The following LTBP1 variants were observed in gnomAD, a reference collection of about 807,000 sequenced individuals.
The protein encoded by LTBP1 is latent transforming growth factor beta binding protein 1.
LTBP1 carries 129 observed loss-of-function variants against 207.6 expected under a neutral mutation model. The ratio of observed to expected loss-of-function variants is 0.62; its 90% CI spans 0.54 to 0.72. LTBP1 has a LOEUF of 0.72. Ranked by LOEUF, LTBP1 falls within the 30% of genes least tolerant of loss-of-function variation. LTBP1 has a pLI of 0.00. For synonymous variants in LTBP1, 963 were observed against 833.7 expected, an observed-to-expected ratio of 1.16 and a Z score of -2.67; for missense variants, 2,281 against 2,217.2, an observed-to-expected ratio of 1.03 and a Z score of -0.58.
At chr2:33,376,642 A>T (rs1272916867) in intron 31 of LTBP1, among the ~76,000 whole-genome samples, 1 of 152,188 alleles carries the variant, frequency 6.6e-6, no homozygotes, top group African/African-American at 2.4e-5. Context: ...CATTGCAGTG[A>T]CTTTCAAGGG....
chr2:33,321,671 G>A (rs2094356468), intron 24 of LTBP1, among the ~76,000 whole-genome samples: 1 of 152,220 alleles, frequency 6.6e-6, no homozygotes, highest in African/African-American at 2.4e-5. Context: ...ACTCAGCCAA[G>A]TGGGATGCTG....
At chr2:33,031,945 G>T (rs1362075439) in intron 3 of LTBP1, among the ~76,000 whole-genome samples, 1 of 152,182 alleles carries the variant, frequency 6.6e-6, no homozygotes, top group Non-Finnish European at 1.5e-5. Flanking sequence ...TGGCTGCTGG[G>T]CAGATGAGAG....
chr2:33,169,445 G>A (rs2085228116), intron 5 of LTBP1, among the ~76,000 whole-genome samples: 1 of 152,194 alleles, frequency 6.6e-6, no homozygotes, highest in South Asian at 2.1e-4. Flanking sequence ...ACAGTTGAAA[G>A]CAAAATTAGT....
At chr2:33,082,894 G>T (rs1227965802) in intron 3 of LTBP1, among the ~76,000 whole-genome samples, 1 of 152,072 alleles carries the variant, frequency 6.6e-6, no homozygotes, top group African/African-American at 2.4e-5. Context: ...CTCACTGGGT[G>T]GGCATCTGGT....
intron 4 of LTBP1, among the ~76,000 whole-genome samples, chr2:33,119,788 G>A (rs1168269691): frequency 6.6e-6 from 1 of 152,056 alleles, no homozygotes; most frequent in South Asian, 2.1e-4. Flanking sequence ...TTGATCTCCC[G>A]ACCTCGTGAT....
chr2:33,248,153 C>G (rs540528980), intron 10 of LTBP1, among the ~76,000 whole-genome samples: 1 of 152,230 alleles, frequency 6.6e-6, no homozygotes, highest in Non-Finnish European at 1.5e-5. Flanking sequence ...TCTGTACAAG[C>G]TGCTTGCTCC....
At chr2:33,105,283 C>CCTTA (rs2079993685) in intron 3 of LTBP1, among the ~76,000 whole-genome samples, 1 of 151,986 alleles carries the variant, frequency 6.6e-6, no homozygotes, top group African/African-American at 2.4e-5. Context: ...TTACACTATA[C>CCTTA]CTTAGTCTAT....
intron 5 of LTBP1, among the ~76,000 whole-genome samples, chr2:33,170,304 T>C (rs1406652271): frequency 9.9e-5 from 15 of 150,912 alleles, no homozygotes; most frequent in African/African-American, 2.4e-4. Flanking sequence ...CCCACCCTAA[T>C]ACTGCGCTTT....
chr2:33,346,960 C>A (rs959453422), intron 25 of LTBP1, among the ~76,000 whole-genome samples: 1 of 151,724 alleles, frequency 6.6e-6, no homozygotes, highest in African/African-American at 2.4e-5. Flanking sequence ...ACTTAAAATA[C>A]AAAACAAATT....
At chr2:33,071,512 A>G (rs2123915) in intron 3 of LTBP1, among the ~76,000 whole-genome samples, 1 of 152,086 alleles carries the variant, frequency 6.6e-6, no homozygotes, top group Non-Finnish European at 1.5e-5. Context: ...CTTGCACAGC[A>G]TCTAGGAGGT....
At chr2:33,267,489 G>A (rs1006893444) in intron 15 of LTBP1, among the ~76,000 whole-genome samples, 1 of 152,220 alleles carries the variant, frequency 6.6e-6, no homozygotes. Flanking sequence ...CTGAGGTCAT[G>A]TATGTATCTA....
intron 3 of LTBP1, among the ~76,000 whole-genome samples, chr2:33,103,747 T>C (rs939874572): frequency 2.0e-5 from 3 of 152,124 alleles, no homozygotes; most frequent in African/African-American, 2.4e-5. Context: ...AAATCATAGC[T>C]GACACTTTAA....
chr2:33,141,086 T>C (rs2082613373), intron 5 of LTBP1, among the ~76,000 whole-genome samples: 1 of 152,252 alleles, frequency 6.6e-6, no homozygotes, highest in East Asian at 1.9e-4. Context: ...GTTCAGGCAA[T>C]AGCAGTGCAC....
intron 5 of LTBP1, among the ~76,000 whole-genome samples, chr2:33,150,615 A>C (rs2083432033): frequency 6.7e-6 from 1 of 149,300 alleles, no homozygotes; most frequent in Admixed American, 6.7e-5. Flanking sequence ...TTCTGTCTCT[A>C]TGAATTTGAG....
At chr2:33,256,485 A>G (rs1389971820) in intron 11 of LTBP1, among the ~76,000 whole-genome samples, 1 of 151,616 alleles carries the variant, frequency 6.6e-6, no homozygotes, top group East Asian at 1.9e-4. Context: ...GATTTTTTTT[A>G]ACCTTATGGC....
chr2:33,364,101 A>G, intron 29 of LTBP1, 115 bp from the exon 30 acceptor site: 2 of 947,730 alleles, frequency 2.1e-6, no homozygotes, highest in Non-Finnish European at 3.1e-6. Flanking sequence ...TGGTTAATTA[A>G]AATTTGGCAG....
At chr2:33,012,898 G>T (rs1056634304) in intron 2 of LTBP1, among the ~76,000 whole-genome samples, 1 of 152,150 alleles carries the variant, frequency 6.6e-6, no homozygotes, top group African/African-American at 2.4e-5. Context: ...TATACTATTA[G>T]AGAAGGTGCT....
Position 33,252,845 on chromosome 2 carries a change from G to A in LTBP1, c.2167+1G>A. 6.3e-7 allele frequency: 1 copy of A among 1,599,872 alleles called. No individual in the cohort carries two copies. The highest frequency in any genetic ancestry group is 8.5e-7 in the Non-Finnish European group (1 of 1,170,056). On this transcript the variant is annotated splice_donor_variant, in intron 11 of 33. Transcript: ENST00000404816. LOFTEE classifies it high-confidence loss of function. ...GAGAAATGTCCCCTTCCAGGCACAGGTAAGACATGCCCAGCTGTATGCGCA... is the reference window on the plus strand; with the variant it reads ...GAGAAATGTCCCCTTCCAGGCACAGATAAGACATGCCCAGCTGTATGCGCA...
intron 7 of LTBP1, among the ~76,000 whole-genome samples, chr2:33,198,506 C>T (rs1338067815): frequency 2.6e-5 from 4 of 152,114 alleles, no homozygotes; most frequent in Non-Finnish European, 4.4e-5. Context: ...TGGTAGAATT[C>T]GGCTGTGAAT....
Sources: gnomAD v4.1 joint callset for allele counts (sites outside exome capture counted in the v4.1 genomes callset) on GRCh38, gnomAD v4.1.1 for gene constraint, MANE v1.5 for transcripts, NCBI Gene and HGNC (gene_info 2026-07-23, HGNC 2026-07-21) for gene names.